Variants in WWOX observed in about 807,000 individuals in gnomAD.
WWOX encodes the protein WW domain-containing oxidoreductase.
WWOX carries 69 observed loss-of-function variants against 46.2 expected under a neutral mutation model. The ratio of observed to expected loss-of-function variants is 1.49; its 90% CI spans 1.23 to 1.82. The LOEUF (loss-of-function observed/expected upper bound fraction) is 1.82. Among genes scored for constraint, WWOX ranks in the 40% most tolerant of loss-of-function variants. The pLI is 0.00. For synonymous variants in WWOX, 359 were observed against 202.6 expected (o/e 1.77, Z -6.56); for missense variants, 919 against 542.6 (o/e 1.69, Z -6.89).
At chr16:79,006,365 C>T (rs879522746) in intron 8 of WWOX, among the ~76,000 whole-genome samples, 1 of 152,096 alleles carries the variant, frequency 6.6e-6, no homozygotes, top group East Asian at 1.9e-4. Flanking sequence ...CTGCATGGCA[C>T]CGGCAGAGGA....
chr16:78,496,645 A>T (rs1250473365), intron 8 of WWOX, among the ~76,000 whole-genome samples: 1 of 152,190 alleles, frequency 6.6e-6, no homozygotes, highest in Non-Finnish European at 1.5e-5. Flanking sequence ...GATGCATTCT[A>T]TGCACCCCAA....
At chr16:78,387,694 T>A (rs1457747629) in intron 6 of WWOX, among the ~76,000 whole-genome samples, 1 of 152,106 alleles carries the variant, frequency 6.6e-6, no homozygotes, top group Non-Finnish European at 1.5e-5. Context: ...TGTTTCCAAG[T>A]GTTTATTTTT....
intron 8 of WWOX, among the ~76,000 whole-genome samples, chr16:78,576,390 C>T (rs2738535): frequency 6.6e-6 from 1 of 152,194 alleles, no homozygotes; most frequent in East Asian, 1.9e-4. Flanking sequence ...TAGCATAGAG[C>T]TATGATGTGT....
At chr16:78,308,194 G>C (rs530991472) in intron 5 of WWOX, among the ~76,000 whole-genome samples, 1 of 152,266 alleles carries the variant, frequency 6.6e-6, no homozygotes, top group African/African-American at 2.4e-5. Context: ...ATGCCACACA[G>C]CCACCCAGAG....
At chr16:78,756,654 T>G (rs1212241419) in intron 8 of WWOX, among the ~76,000 whole-genome samples, 2 of 152,192 alleles carry the variant, frequency 1.3e-5, no homozygotes, top group African/African-American at 2.4e-5. Context: ...TACACTCCTT[T>G]GTTTCACCCT....
intron 8 of WWOX, among the ~76,000 whole-genome samples, chr16:78,928,672 AT>A (rs61230732): frequency 0.01 from 1,580 of 152,082 alleles, 21 homozygotes; most frequent in African/African-American, 0.031. Context: ...GGAAAAAAAA[AT>A]AATAGGAAAG....
intron 5 of WWOX, among the ~76,000 whole-genome samples, chr16:78,204,860 C>G (rs2036343302): frequency 6.6e-6 from 1 of 152,154 alleles, no homozygotes; most frequent in African/African-American, 2.4e-5. Context: ...GTCTTACCTC[C>G]TTGCCATTAG....
chr16:78,358,723 G>A (rs374178515), intron 5 of WWOX, among the ~76,000 whole-genome samples: 2 of 151,878 alleles, frequency 1.3e-5, no homozygotes, highest in East Asian at 1.9e-4. Flanking sequence ...ACAAATGAGG[G>A]AAAATATACA....
intron 8 of WWOX, among the ~76,000 whole-genome samples, chr16:78,906,406 C>G (rs996758590): frequency 6.6e-6 from 1 of 152,152 alleles, no homozygotes. Context: ...CTCCTTCCTA[C>G]TTTCCCTCCC....
intron 8 of WWOX, among the ~76,000 whole-genome samples, chr16:78,668,725 A>G (rs565103917): frequency 4.6e-5 from 7 of 152,246 alleles, no homozygotes; most frequent in East Asian, 1.9e-4. Context: ...GTTTGTAGGT[A>G]GACCACCCTG....
intron 8 of WWOX, among the ~76,000 whole-genome samples, chr16:78,489,811 G>T (rs1043331146): frequency 1.3e-5 from 2 of 152,136 alleles, no homozygotes; most frequent in Non-Finnish European, 2.9e-5. Context: ...GTTCCGGCTG[G>T]AACACTTGTC....
intron 8 of WWOX, among the ~76,000 whole-genome samples, chr16:78,854,143 G>A (rs188083083): frequency 4.0e-5 from 6 of 151,828 alleles, no homozygotes; most frequent in Non-Finnish European, 5.9e-5. Context: ...ATTTCATTTC[G>A]CATCTTGATA....
intron 5 of WWOX, among the ~76,000 whole-genome samples, chr16:78,189,838 A>G (rs1366261006): frequency 2.0e-5 from 3 of 152,042 alleles, no homozygotes; most frequent in Non-Finnish European, 4.4e-5. Flanking sequence ...TATGTTTAGT[A>G]GAGACGAGGT....
intron 1 of WWOX, among the ~76,000 whole-genome samples, chr16:78,104,231 A>AACACACACACACACACACACACACACAC (rs376622174): frequency 2.3e-4 from 30 of 130,220 alleles, no homozygotes; most frequent in African/African-American, 5.6e-4. Flanking sequence ...CTGTGCTCAA[A>AACACACACACACACACACACACACACAC]ACACACACAC....
intron 4 of WWOX, among the ~76,000 whole-genome samples, chr16:78,126,409 A>G (rs1417098611): frequency 1.3e-5 from 2 of 152,220 alleles, no homozygotes; most frequent in African/African-American, 2.4e-5. Flanking sequence ...TTTTTAAAAA[A>G]TATCACTTAA....
chr16:78,684,624 G>A (rs889924881), intron 8 of WWOX, among the ~76,000 whole-genome samples: 8 of 152,156 alleles, frequency 5.3e-5, no homozygotes, highest in South Asian at 2.1e-4. Flanking sequence ...ACACTCCACC[G>A]TCCCTGCTAA....
At chr16:78,200,527 C>G (rs1235806160) in intron 5 of WWOX, among the ~76,000 whole-genome samples, 1 of 150,326 alleles carries the variant, frequency 6.7e-6, no homozygotes, top group Non-Finnish European at 1.5e-5. Context: ...ATCCATTACA[C>G]CATAAAGTAT....
At chr16:78,655,315 C>G (rs2047056128) in intron 8 of WWOX, among the ~76,000 whole-genome samples, 1 of 152,106 alleles carries the variant, frequency 6.6e-6, no homozygotes, top group Non-Finnish European at 1.5e-5. Flanking sequence ...AAAATGCTAC[C>G]GAGCAGTGCC....
At chr16:78,413,758 C>T (rs1178712858) in intron 6 of WWOX, among the ~76,000 whole-genome samples, 1 of 152,014 alleles carries the variant, frequency 6.6e-6, no homozygotes, top group African/African-American at 2.4e-5. Flanking sequence ...CCCTCCTGTG[C>T]TGACTCAGTT....
Sources: allele counts gnomAD v4.1 joint callset (sites outside exome capture counted in the v4.1 genomes callset), GRCh38; gene constraint gnomAD v4.1.1; transcripts MANE v1.5; gene names NCBI Gene and HGNC (gene_info 2026-07-23, HGNC 2026-07-21).